The following METTL22 variants were observed in gnomAD, a reference collection of about 807,000 sequenced individuals.
METTL22 encodes the protein methyltransferase 22, Kin17 lysine, also known as methyltransferase-like protein 22.
In METTL22, 51 loss-of-function variants were observed where a neutral mutation model predicts 48.4. The observed-to-expected ratio is 1.05, with a 90% confidence interval of 0.84 to 1.33. The LOEUF is 1.33. Among genes scored for constraint, METTL22 ranks in the 40% most tolerant of loss-of-function variants. The probability of loss-of-function intolerance (pLI) is 0.00; values close to 1 mark genes in which losing one functional copy is unlikely to be tolerated. For synonymous variants in METTL22, 255 were observed against 214.1 expected, an observed-to-expected ratio of 1.19 and a Z score of -1.67; for missense variants, 678 against 526.9, an observed-to-expected ratio of 1.29 and a Z score of -2.81.
chr16:8,640,296 C>G (rs1388101269), intron 6 of METTL22, among the ~76,000 whole-genome samples: 1 of 152,090 alleles, frequency 6.6e-6, no homozygotes, highest in African/African-American at 2.4e-5. Flanking sequence ...GAGTTCCTCT[C>G]TCTCCTCCTG....
chr16:8,635,215 G>C lies in METTL22; in HGVS notation c.603G>C (p.Gln201His), dbSNP rs1290806493. 6.2e-7 allele frequency: 1 copy of C among 1,611,378 alleles called. No homozygotes were observed. Among genetic ancestry groups the C allele is most frequent in the Admixed American group, 1.7e-5 (1 of 59,886 alleles). ...LLLADYILFR[Q>H]DLFRGCTALE... ...TGGCAGACTACATCCTGTTCCGACA[G>C]GACCTCTTCCGAGGATGTACAGCGC... The change falls in exon 5 of 11, where the codon CAG becomes CAC. Residue 201 changes from glutamine to histidine, a missense_variant. Gln to His is a conservative substitution (Grantham distance 24). Transcript: ENST00000381920.
chr16:8,645,995 C>T (rs1363375002), intron 10 of METTL22, 113 bp from the exon 11 acceptor site: 21 of 1,522,268 alleles, frequency 1.4e-5, no homozygotes, highest in Non-Finnish European at 1.6e-5. Flanking sequence ...TCGCCTGCTC[C>T]GTGGCTGACG....
At chr16:8,656,448 GA>G in the METTL22 span, among the ~76,000 whole-genome samples, 1 of 152,216 alleles carries the variant, frequency 6.6e-6, no homozygotes, top group Non-Finnish European at 1.5e-5. Context: ...AACTATTGGA[GA>G]AGCAAAGATT....
chr16:8,654,356 G>A (rs1040908722), downstream of METTL22, among the ~76,000 whole-genome samples: 1 of 152,178 alleles, frequency 6.6e-6, no homozygotes, highest in African/African-American at 2.4e-5. Flanking sequence ...TAAGGTATGT[G>A]TTTATAGGTG....
At chr16:8,656,166 G>C in the METTL22 span, among the ~76,000 whole-genome samples, 2 of 152,002 alleles carry the variant, frequency 1.3e-5, no homozygotes, top group South Asian at 4.2e-4. Flanking sequence ...CCACGGCCTC[G>C]AACTGCTTGG....
intron 9 of METTL22, among the ~76,000 whole-genome samples, chr16:8,643,785 T>C (rs947778187): frequency 6.6e-6 from 1 of 152,236 alleles, no homozygotes; most frequent in African/African-American, 2.4e-5. Context: ...GGCTAATTTT[T>C]GTATTTTTAG....
rs368300071 is a variant in METTL22, at chr16:8,639,601, C to T, written c.772+439C>T. The T allele has an allele frequency of 2.5e-4, 51 of 201,192 alleles. No homozygotes were observed. The East Asian group carries it at 5.6e-3, about 22-fold the overall frequency. 12.5% of individuals were successfully genotyped at this position (201,192 alleles called of 1,614,324 possible). A position where few individuals can be genotyped will look rare whatever the true frequency, so the allele number is the denominator to read the frequency against. ...TTCCCAGGCCTCCCTGGCCCAGCCC[C>T]GGCCTGCTCTCCTTGCCTCCTCCTG... is the stretch of plus-strand genomic sequence containing the variant. On this transcript the variant is annotated intron_variant, in intron 6 of 10. Coordinates refer to ENST00000381920, the MANE Select transcript of METTL22 (RefSeq NM_024109.4).
chr16:8,649,257 C>T lies in METTL22; in HGVS notation c.*3114C>T, dbSNP rs1325996255. The T allele has an allele frequency of 4.6e-5, 7 of 152,158 alleles. No homozygotes were observed. In the East Asian group the frequency reaches 1.2e-3, roughly 25 times the overall value. The allele number at this position is 152,158 out of a possible 1,614,324, so 9.4% of individuals were successfully genotyped here. A position where few individuals can be genotyped will look rare whatever the true frequency, so the allele number is the denominator to read the frequency against. ...CTTGATCCACTGTAATTCAAAGTAT[C>T]GTCAGATTTTCATTTCCCAGAGTGG... On this transcript the variant is annotated 3_prime_UTR_variant, in exon 11 of 11. Transcript: ENST00000381920.
chr16:8,642,072 T>G, intron 7 of METTL22, 55 bp from the exon 8 acceptor site: 1 of 1,378,478 alleles, frequency 7.3e-7, no homozygotes, highest in East Asian at 2.3e-5. Flanking sequence ...CCAGTGAGAG[T>G]TGGTGGCCAG....
In METTL22 at chr16:8,647,568, T is replaced by C. The variant is rs2056826486; in HGVS notation, c.*1425T>C. 6.8e-6 allele frequency: 1 copy of C among 146,346 alleles called. No individual in the cohort carries two copies. The highest frequency in any genetic ancestry group is 7.1e-5 in the Admixed American group (1 of 14,160). 9.1% of individuals were successfully genotyped at this position (146,346 alleles called of 1,614,324 possible). ...AGTATCCAGTGGGTGAGGCCAGAGA[T>C]GCTGCTGAACGTTCTATAATGCGGT... is the stretch of plus-strand genomic sequence containing the variant. On this transcript the variant is annotated 3_prime_UTR_variant, in exon 11 of 11. Transcript: ENST00000381920.
chr16:8,654,017 C>G (rs939729257), downstream of METTL22, among the ~76,000 whole-genome samples: 10 of 152,186 alleles, frequency 6.6e-5, no homozygotes, highest in African/African-American at 1.9e-4. Flanking sequence ...GAGCAAGACC[C>G]CATCTCAAAA....
At chr16:8,656,254 G>T in the METTL22 span, among the ~76,000 whole-genome samples, 1 of 152,156 alleles carries the variant, frequency 6.6e-6, no homozygotes, top group East Asian at 1.9e-4. Flanking sequence ...GCGCAGAGAG[G>T]TTTTAAGAGA....
chr16:8,637,200 T>G (rs1043117235), intron 5 of METTL22, among the ~76,000 whole-genome samples: 1 of 152,212 alleles, frequency 6.6e-6, no homozygotes, highest in African/African-American at 2.4e-5. Flanking sequence ...GACTTTTGTT[T>G]CTGAGATAGG....
intron 3 of METTL22, among the ~76,000 whole-genome samples, chr16:8,634,043 C>T (rs2141737067): frequency 6.6e-6 from 1 of 152,348 alleles, no homozygotes; most frequent in East Asian, 1.9e-4. Context: ...ATCTGAAGCC[C>T]TTCTGAAAGG....
Position 8,646,943 on chromosome 16 carries a change from C to G in METTL22, c.*800C>G, listed in dbSNP as rs1239816924. On this transcript the variant is annotated 3_prime_UTR_variant, in exon 11 of 11. Coordinates refer to ENST00000381920, the MANE Select transcript of METTL22 (RefSeq NM_024109.4). ...CCCATCTCCACCCCTTCCTGTCATC[C>G]TCTATGTCCCACTGTCTCTCTCCTT... 8.6e-6 allele frequency: 3 copies of G among 348,776 alleles called. No individual in the cohort carries two copies. The highest frequency in any genetic ancestry group is 7.5e-5 in the East Asian group (1 of 13,382). The allele number at this position is 348,776 out of a possible 1,614,324, so 21.6% of individuals were successfully genotyped here. A position where few individuals can be genotyped will look rare whatever the true frequency, so the allele number is the denominator to read the frequency against.
rs1312518086 is a variant in METTL22 at position 8,648,519 on chromosome 16, T to A, written c.*2376T>A. On this transcript the variant is annotated 3_prime_UTR_variant, in exon 11 of 11. Coordinates refer to ENST00000381920, the MANE Select transcript of METTL22 (RefSeq NM_024109.4). The stretch of plus-strand genomic sequence containing the variant: ...GCTCATGCCTGTAATCCCAGCTACT[T>A]GGGAGGCTGAGGCAGGAGAATCACT... 3 of 151,566 alleles carry A rather than the reference T, an allele frequency of 2.0e-5. No individual in the cohort carries two copies. Among genetic ancestry groups the A allele is most frequent in the African/African-American group, 7.3e-5 (3 of 41,090 alleles). 9.4% of individuals were successfully genotyped at this position (151,566 alleles called of 1,614,324 possible). A position where few individuals can be genotyped will look rare whatever the true frequency, so the allele number is the denominator to read the frequency against.
At chr16:8,653,114 G>A (rs1366987064), downstream of METTL22, among the ~76,000 whole-genome samples, 1 of 152,194 alleles carries the variant, frequency 6.6e-6, no homozygotes, top group East Asian at 1.9e-4. Context: ...GCTTCAACCA[G>A]GGAGGCCTTC....
chr16:8,643,737 C>G (rs1596366608), intron 9 of METTL22, among the ~76,000 whole-genome samples: 1 of 152,244 alleles, frequency 6.6e-6, no homozygotes, highest in East Asian at 1.9e-4. Flanking sequence ...TCTCAGCCTC[C>G]CAAGTAGCTG....
the METTL22 span, among the ~76,000 whole-genome samples, chr16:8,663,834 A>G: frequency 2.0e-5 from 3 of 151,968 alleles, no homozygotes; most frequent in Non-Finnish European, 4.4e-5. Context: ...GAGGTTTCTC[A>G]GTCTCAGCAC....
Sources: gnomAD v4.1 joint callset for allele counts (sites outside exome capture counted in the v4.1 genomes callset) on GRCh38, gnomAD v4.1.1 for gene constraint, MANE v1.5 for transcripts, NCBI Gene and HGNC (gene_info 2026-07-23, HGNC 2026-07-21) for gene names.